The following DOCK7 variants were observed in gnomAD, a reference collection of about 807,000 sequenced individuals.
DOCK7 encodes the protein dedicator of cytokinesis protein 7.
DOCK7 carries 138 observed loss-of-function variants against 271.0 expected under a neutral mutation model. The ratio of observed to expected loss-of-function variants is 0.51; its 90% confidence interval spans 0.44 to 0.59. The LOEUF (loss-of-function observed/expected upper bound fraction) is 0.59, where lower values mean the gene tolerates loss of function less well. Among genes scored for constraint, DOCK7 ranks in the 20% least tolerant of loss-of-function variants. The probability of loss-of-function intolerance (pLI) is 0.00; values close to 1 mark genes in which losing one functional copy is unlikely to be tolerated. For synonymous variants in DOCK7, 823 were observed against 876.1 expected, an observed-to-expected ratio of 0.94 and a Z score of 1.07; for missense variants, 2,066 against 2,592.4, an observed-to-expected ratio of 0.80 and a Z score of 4.41.
Position 62,663,089 on chromosome 1 carries a change from T to C in DOCK7, c.80A>G (p.Tyr27Cys), listed in dbSNP as rs771576993. 48 of 1,613,494 alleles carry C rather than the reference T, an allele frequency of 3.0e-5. No homozygotes were observed. The highest frequency in any genetic ancestry group is 4.1e-5 in the Non-Finnish European group (48 of 1,179,890). ...AEVRKQISGQYSGSPQLLKNL... is the reference protein window; with the variant it reads ...AEVRKQISGQCSGSPQLLKNL... ...TTTGAGCAGTTGGGGAGAACCACTA[T>C]ATTGTCCGGAGATCTGCTTCCTAAC... The change falls in exon 2 of 50, where the codon TAT becomes TGT. Residue 27 changes from tyrosine (Y) to cysteine (C), a missense_variant. Transcript: ENST00000635253.
At chr1:62,585,646 T>C (rs1468352683) in intron 15 of DOCK7, among the ~76,000 whole-genome samples, 3 of 152,152 alleles carry the variant, frequency 2.0e-5, no homozygotes, top group East Asian at 1.9e-4. Context: ...ATTCCCCAAC[T>C]TGAAATGCTT....
At chr1:62,630,411 A>C (rs188323141) in intron 11 of DOCK7, among the ~76,000 whole-genome samples, 2 of 152,218 alleles carry the variant, frequency 1.3e-5, no homozygotes, top group African/African-American at 4.8e-5. Context: ...TCTCTTCTTC[A>C]GCCTGTGATA....
In DOCK7 at chr1:62,495,662, T is replaced by C. The variant is rs1198358535; in HGVS notation, c.4943A>G (p.Asn1648Ser). Residue 1648 changes from asparagine (N) to serine (S), a missense_variant, in exon 39 of 50, where the codon AAT (asparagine) becomes AGT (serine). By Grantham distance (46) the Asn-to-Ser change is conservative. Coordinates refer to ENST00000635253, the MANE Select transcript of DOCK7 (RefSeq NM_001367561.1). ...FPDQVQDLVF[N>S]LHMILSDTVK... is the part of the protein sequence containing the mutation. ...AGTATCAGAAAGAATCATATGGAGA[T>C]TGAAAACCAGATCCTGGACCTGCAG... The C allele has an allele frequency of 6.3e-7, 1 of 1,583,898 alleles. No individual in the cohort carries two copies. The highest frequency in any genetic ancestry group is 1.2e-5 in the South Asian group (1 of 84,562).
At chr1:62,477,150 G>C (rs1229315620) in intron 44 of DOCK7, 3 of 152,032 alleles carry the variant, frequency 2.0e-5, no homozygotes, top group Non-Finnish European at 4.4e-5. Context: ...GAGAAAGGTT[G>C]GAAAGAATAA....
chr1:62,504,980 A>T (rs1646898394), intron 36 of DOCK7, among the ~76,000 whole-genome samples, 198 bp from the exon 37 acceptor site: 1 of 152,236 alleles, frequency 6.6e-6, no homozygotes. Flanking sequence ...CTTACTAACT[A>T]GTAGTGGGAC....
At chr1:62,517,037 A>C (rs993386722) in intron 31 of DOCK7, among the ~76,000 whole-genome samples, 2 of 152,084 alleles carry the variant, frequency 1.3e-5, no homozygotes, top group African/African-American at 4.8e-5. Flanking sequence ...TTAGCTCCTG[A>C]CTCACTTTCA....
chr1:62,535,862 T>C (rs1645329238), intron 28 of DOCK7, among the ~76,000 whole-genome samples: 1 of 152,210 alleles, frequency 6.6e-6, no homozygotes, highest in African/African-American at 2.4e-5. Flanking sequence ...TTAATTATTT[T>C]ACATTTCTTT....
At chr1:62,463,316 A>G (rs1336194761) in intron 48 of DOCK7, among the ~76,000 whole-genome samples, 1 of 152,180 alleles carries the variant, frequency 6.6e-6, no homozygotes, top group East Asian at 1.9e-4. Flanking sequence ...ACAATGTTAG[A>G]TAATATCAAG....
chr1:62,685,898 TTTC>T (rs1276812867), intron 1 of DOCK7, among the ~76,000 whole-genome samples: 2 of 152,222 alleles, frequency 1.3e-5, no homozygotes, highest in African/African-American at 2.4e-5. Context: ...TAAGTGCACA[TTTC>T]TTCATTCACA....
At chr1:62,616,553 G>A (rs1460625957) in intron 14 of DOCK7, among the ~76,000 whole-genome samples, 3 of 151,614 alleles carry the variant, frequency 2.0e-5, no homozygotes, top group Non-Finnish European at 4.4e-5. Flanking sequence ...TCCAAAAGAT[G>A]AAGAACACAG....
At chr1:62,661,829 T>A (rs1291708586) in intron 2 of DOCK7, among the ~76,000 whole-genome samples, 1 of 152,150 alleles carries the variant, frequency 6.6e-6, no homozygotes, top group African/African-American at 2.4e-5. Context: ...AAGGTCTGAT[T>A]ATAGAAATTT....
intron 14 of DOCK7, among the ~76,000 whole-genome samples, chr1:62,599,593 A>AT (rs1410600296): frequency 3.3e-5 from 5 of 151,838 alleles, no homozygotes; most frequent in Non-Finnish European, 5.9e-5. Flanking sequence ...GAATACAGGG[A>AT]TTTTTTCCAT....
At chr1:62,549,355 T>C (rs1213730649) in intron 22 of DOCK7, among the ~76,000 whole-genome samples, 1 of 152,108 alleles carries the variant, frequency 6.6e-6, no homozygotes, top group African/African-American at 2.4e-5. Context: ...ATGGGAGGAA[T>C]ATTTGACTGA....
intron 31 of DOCK7, among the ~76,000 whole-genome samples, chr1:62,515,187 G>T (rs535964285): frequency 6.6e-6 from 1 of 150,662 alleles, no homozygotes; most frequent in East Asian, 1.9e-4. Flanking sequence ...AATAAGAGGC[G>T]GGACAACAGT....
intron 31 of DOCK7, among the ~76,000 whole-genome samples, chr1:62,524,767 A>G (rs1009136111): frequency 8.6e-5 from 13 of 150,896 alleles, no homozygotes; most frequent in Non-Finnish European, 1.6e-4. Context: ...GCATGATGGC[A>G]GTCATCTGTA....
intron 29 of DOCK7, among the ~76,000 whole-genome samples, chr1:62,534,062 G>C (rs1645262273): frequency 6.6e-6 from 1 of 151,720 alleles, no homozygotes; most frequent in South Asian, 2.1e-4. Flanking sequence ...GCAGTGGTGT[G>C]ATCTTGGCTT....
At chr1:62,595,374 T>C (rs1460094848) in intron 14 of DOCK7, among the ~76,000 whole-genome samples, 12 of 152,170 alleles carry the variant, frequency 7.9e-5, no homozygotes. Flanking sequence ...TAATCTTTTA[T>C]ACGACCCTAT....
intron 14 of DOCK7, among the ~76,000 whole-genome samples, chr1:62,597,175 T>C (rs1246079661): frequency 2.0e-5 from 3 of 152,108 alleles, no homozygotes; most frequent in Admixed American, 2.0e-4. Flanking sequence ...ATTACTTTTT[T>C]CCCCTCAACT....
chr1:62,502,131 T>C (rs989445706), intron 37 of DOCK7, among the ~76,000 whole-genome samples: 16 of 152,068 alleles, frequency 1.1e-4, no homozygotes, highest in Admixed American at 9.8e-4. Context: ...TCAGATATTG[T>C]TGACTTTTTT....
Sources: allele counts gnomAD v4.1 joint callset (sites outside exome capture counted in the v4.1 genomes callset), GRCh38; gene constraint gnomAD v4.1.1; transcripts MANE v1.5; gene names NCBI Gene and HGNC (gene_info 2026-07-23, HGNC 2026-07-21).